The following KLRG1 variants were observed in gnomAD, a reference collection of about 807,000 sequenced individuals.
The protein encoded by KLRG1 is killer cell lectin like receptor G1, also known as killer cell lectin-like receptor subfamily G member 1.
Under a neutral mutation model 21.8 loss-of-function variants are expected in KLRG1, and 16 were observed. The observed-to-expected ratio is 0.73, with a 90% CI of 0.50 to 1.11. KLRG1 has a LOEUF of 1.11. KLRG1 is among the 50% of genes most tolerant of loss of function. The probability of loss-of-function intolerance (pLI) is 0.00; values close to 1 mark genes in which losing one functional copy is unlikely to be tolerated. For missense variants in KLRG1, 173 were observed against 218.3 expected (o/e 0.79, Z 1.31); for synonymous variants, 69 against 75.9 (o/e 0.91, Z 0.47).
chr12:9,150,305 C>T, the KLRG1 span, among the ~76,000 whole-genome samples: 9 of 152,096 alleles, frequency 5.9e-5, no homozygotes, highest in East Asian at 1.5e-3. Context: ...TTTTTTGAGA[C>T]GGAGTCTCGC....
chr12:9,048,963 G>A, the KLRG1 span, among the ~76,000 whole-genome samples: 1 of 152,230 alleles, frequency 6.6e-6, no homozygotes, highest in Non-Finnish European at 1.5e-5. Flanking sequence ...TTTGGGGCAG[G>A]GTTACCTGGC....
chr12:9,101,774 G>C, the KLRG1 span: 4 of 927,694 alleles, frequency 4.3e-6, no homozygotes, highest in Admixed American at 2.8e-5. Context: ...TTAACTAGTA[G>C]CTAGAAATCT....
chr12:9,107,620 A>G, the KLRG1 span: 1 of 1,613,984 alleles, frequency 6.2e-7, no homozygotes, highest in Non-Finnish European at 8.5e-7. Flanking sequence ...TCACATGTCC[A>G]GGGACAGGCT....
the KLRG1 span, among the ~76,000 whole-genome samples, chr12:9,214,122 T>C: frequency 6.6e-6 from 1 of 152,032 alleles, no homozygotes; most frequent in African/African-American, 2.4e-5. Flanking sequence ...GGCACCCTTT[T>C]CAAAAATAAA....
intron 1 of KLRG1, among the ~76,000 whole-genome samples, chr12:8,979,644 A>G (rs1251704749): frequency 6.6e-6 from 1 of 151,970 alleles, no homozygotes; most frequent in Admixed American, 6.6e-5. Context: ...ACTTTGTTAC[A>G]TATGTTTTCT....
At chr12:9,164,397 G>C in the KLRG1 span, 3 of 915,694 alleles carry the variant, frequency 3.3e-6, no homozygotes, top group Admixed American at 8.2e-5. Flanking sequence ...ATTCATCCAT[G>C]CTTTAAGAAG....
chr12:9,147,140 A>T, the KLRG1 span, among the ~76,000 whole-genome samples: 2 of 152,028 alleles, frequency 1.3e-5, no homozygotes, highest in African/African-American at 4.8e-5. Context: ...ACATGGATCA[A>T]CTCTTTCTCT....
the KLRG1 span, chr12:9,057,546 CT>C: frequency 6.6e-6 from 1 of 152,426 alleles, no homozygotes; most frequent in Non-Finnish European, 1.5e-5. Context: ...AACACATTGG[CT>C]TTTATTTTAT....
chr12:9,202,652 T>A, the KLRG1 span: 3 of 1,614,160 alleles, frequency 1.9e-6, no homozygotes, highest in South Asian at 3.3e-5. Context: ...TGCTAAGGAA[T>A]GCCACCTCTG....
At chr12:9,149,053 AGT>A in the KLRG1 span, 1 of 1,478,520 alleles carries the variant, frequency 6.8e-7, no homozygotes, top group Non-Finnish European at 9.5e-7. Flanking sequence ...CATTCAGTTG[AGT>A]GTGGGCAGCA....
chr12:9,170,962 T>A, the KLRG1 span, among the ~76,000 whole-genome samples: 1 of 152,222 alleles, frequency 6.6e-6, no homozygotes, highest in East Asian at 1.9e-4. The surrounding 1 kb of genome is among the most constrained non-coding windows in gnomAD (Gnocchi z 4.6). Flanking sequence ...TGAGGAAGGA[T>A]CCCACCCAAT....
chr12:8,953,020 A>G (rs1367774775), intron 1 of KLRG1, among the ~76,000 whole-genome samples: 1 of 147,598 alleles, frequency 6.8e-6, no homozygotes, highest in East Asian at 2.0e-4. Flanking sequence ...CACTTTGCCA[A>G]CCAGGGACCC....
the KLRG1 span, chr12:9,090,046 A>G: frequency 6.3e-7 from 1 of 1,579,148 alleles, no homozygotes; most frequent in Non-Finnish European, 8.7e-7. Context: ...GCCAGTAGAA[A>G]TGAATAGCAT....
At chr12:9,042,562 G>C in the KLRG1 span, among the ~76,000 whole-genome samples, 1 of 152,286 alleles carries the variant, frequency 6.6e-6, no homozygotes, top group South Asian at 2.1e-4. Context: ...AAACTTAAGA[G>C]CATTGTTACC....
At chr12:9,094,290 G>C in the KLRG1 span, among the ~76,000 whole-genome samples, 8 of 140,612 alleles carry the variant, frequency 5.7e-5, no homozygotes, top group African/African-American at 2.1e-4. Context: ...TTCTATTAAG[G>C]GTGTGCTGGT....
chr12:8,954,423 C>CAAA (rs34443402), intron 1 of KLRG1, among the ~76,000 whole-genome samples: 64 of 147,008 alleles, frequency 4.4e-4, no homozygotes, highest in East Asian at 1.6e-3. Flanking sequence ...CTCTTACCAC[C>CAAA]AAAAAAAAAA....
chr12:9,093,897 A>G, the KLRG1 span, among the ~76,000 whole-genome samples: 43 of 151,582 alleles, frequency 2.8e-4, no homozygotes, highest in African/African-American at 9.8e-4. Context: ...CGTCTCAAAC[A>G]AACAAACAAA....
At chr12:8,988,895 T>A (rs779827065), upstream of KLRG1, among the ~76,000 whole-genome samples, 4 of 152,346 alleles carry the variant, frequency 2.6e-5, no homozygotes, top group African/African-American at 7.2e-5. Flanking sequence ...TCTAACTTTT[T>A]ATTAACTTTT....
At chr12:9,097,461 A>G in the KLRG1 span, among the ~76,000 whole-genome samples, 1 of 152,160 alleles carries the variant, frequency 6.6e-6, no homozygotes, top group African/African-American at 2.4e-5. Flanking sequence ...CCAATTCAGC[A>G]TATCCTTTTG....
Sources: allele counts gnomAD v4.1 joint callset (sites outside exome capture counted in the v4.1 genomes callset), GRCh38; gene constraint gnomAD v4.1.1; non-coding constraint Gnocchi (gnomAD v3.1); transcripts MANE v1.5; gene names NCBI Gene and HGNC (gene_info 2026-07-23, HGNC 2026-07-21).